SH3BGRL2: variants seen among roughly 807,000 people sequenced by gnomAD.
SH3BGRL2 encodes the protein SH3 domain binding glutamate rich protein like 2.
SH3BGRL2 carries 21 observed loss-of-function variants against 14.8 expected under a neutral mutation model. That is an observed-to-expected ratio of 1.42 (90% CI 1.01 to 2.05). The LOEUF is 2.05. SH3BGRL2 is among the 30% of genes most tolerant of loss of function. SH3BGRL2 has a pLI of 0.00. For synonymous variants in SH3BGRL2, 50 were observed against 47.8 expected, an observed-to-expected ratio of 1.05 and a Z score of -0.19; for missense variants, 147 against 130.8, an observed-to-expected ratio of 1.12 and a Z score of -0.61.
intron 1 of SH3BGRL2, among the ~76,000 whole-genome samples, chr6:79,660,150 G>C (rs1769513908): frequency 1.3e-5 from 2 of 152,074 alleles, no homozygotes; most frequent in South Asian, 4.2e-4. Flanking sequence ...TTGCCTGATT[G>C]TCCTGGCTAG....
chr6:79,566,308 A>G, the SH3BGRL2 span, among the ~76,000 whole-genome samples: 1 of 152,284 alleles, frequency 6.6e-6, no homozygotes, highest in East Asian at 1.9e-4. Context: ...ATTGAGCAGC[A>G]GTCCCTACTG....
At chr6:79,614,535 T>A in the SH3BGRL2 span, among the ~76,000 whole-genome samples, 1 of 152,144 alleles carries the variant, frequency 6.6e-6, no homozygotes, top group Non-Finnish European at 1.5e-5. Context: ...AGGGTGCTCC[T>A]AAGGAGGACA....
intron 1 of SH3BGRL2, among the ~76,000 whole-genome samples, chr6:79,662,818 C>T (rs1320040327): frequency 6.6e-6 from 1 of 152,116 alleles, no homozygotes; most frequent in African/African-American, 2.4e-5. Flanking sequence ...CACATAGTCC[C>T]ATATTTCTTG....
chr6:79,644,074 T>G (rs1769081927), intron 1 of SH3BGRL2, among the ~76,000 whole-genome samples: 2 of 152,194 alleles, frequency 1.3e-5, no homozygotes, highest in Admixed American at 1.3e-4. Flanking sequence ...TGGGGCCTTT[T>G]GGGCAACAGA....
At chr6:79,572,793 A>G in the SH3BGRL2 span, among the ~76,000 whole-genome samples, 3 of 152,188 alleles carry the variant, frequency 2.0e-5, no homozygotes, top group East Asian at 5.8e-4. Flanking sequence ...TTCTATTACT[A>G]GTGAGATTGA....
At chr6:79,593,565 G>T in the SH3BGRL2 span, among the ~76,000 whole-genome samples, 9 of 152,200 alleles carry the variant, frequency 5.9e-5, no homozygotes, top group Non-Finnish European at 1.2e-4. Context: ...GAATGGATGA[G>T]TAAGCAGTAA....
intron 2 of SH3BGRL2, among the ~76,000 whole-genome samples, chr6:79,675,739 TTAAA>T (rs1254536524): frequency 6.6e-6 from 1 of 152,202 alleles, no homozygotes; most frequent in African/African-American, 2.4e-5. Flanking sequence ...TGTGATTCTT[TTAAA>T]TAATGTTGTA....
intron 1 of SH3BGRL2, among the ~76,000 whole-genome samples, chr6:79,645,115 A>G (rs1435357511): frequency 6.9e-6 from 1 of 144,472 alleles, no homozygotes; most frequent in Non-Finnish European, 1.5e-5. Flanking sequence ...GTGAGCTGAG[A>G]TTGCACCACT....
At chr6:79,553,987 A>G in the SH3BGRL2 span, among the ~76,000 whole-genome samples, 5 of 151,622 alleles carry the variant, frequency 3.3e-5, no homozygotes, top group Admixed American at 2.6e-4. Context: ...AAAAGAAAAG[A>G]AAAGAGAAAG....
At chr6:79,680,604 T>A (rs1337510863) in intron 2 of SH3BGRL2, among the ~76,000 whole-genome samples, 1 of 152,186 alleles carries the variant, frequency 6.6e-6, no homozygotes, top group Non-Finnish European at 1.5e-5. Context: ...TTTTTCTATT[T>A]CTGCAAAAAC....
chr6:79,538,018 G>GTTTTTT, the SH3BGRL2 span, among the ~76,000 whole-genome samples: 144 of 44,160 alleles, frequency 3.3e-3, 36 homozygotes, highest in East Asian at 4.0e-3. Context: ...TTGCACACAA[G>GTTTTTT]TTTTTTTTTT....
intron 1 of SH3BGRL2, among the ~76,000 whole-genome samples, chr6:79,658,349 G>A (rs1769466652): frequency 6.6e-6 from 1 of 152,112 alleles, no homozygotes; most frequent in African/African-American, 2.4e-5. Context: ...GTGTCCAAGT[G>A]TTCTCGTTGT....
the SH3BGRL2 span, among the ~76,000 whole-genome samples, chr6:79,569,577 T>C: frequency 1.3e-5 from 2 of 152,142 alleles, no homozygotes; most frequent in Non-Finnish European, 2.9e-5. Flanking sequence ...TTAATGCTGG[T>C]CAATTGTGCC....
At chr6:79,655,481 C>T (rs994382903) in intron 1 of SH3BGRL2, among the ~76,000 whole-genome samples, 5 of 151,952 alleles carry the variant, frequency 3.3e-5, no homozygotes, top group African/African-American at 4.8e-5. Context: ...CTATACAATT[C>T]GGTGGCTTTC....
At chr6:79,548,856 A>G in the SH3BGRL2 span, among the ~76,000 whole-genome samples, 32 of 152,216 alleles carry the variant, frequency 2.1e-4, no homozygotes, top group African/African-American at 7.5e-4. Context: ...GGCAGGGCCT[A>G]TAGAAGACAG....
the SH3BGRL2 span, among the ~76,000 whole-genome samples, chr6:79,623,842 C>T: frequency 6.6e-6 from 1 of 152,204 alleles, no homozygotes. Flanking sequence ...ATAATTGCTA[C>T]ATAAATAATA....
the SH3BGRL2 span, among the ~76,000 whole-genome samples, chr6:79,558,509 A>G: frequency 2.6e-5 from 4 of 152,184 alleles, no homozygotes; most frequent in Admixed American, 2.6e-4. Flanking sequence ...GAATACACTA[A>G]CTATATATAG....
upstream of SH3BGRL2, among the ~76,000 whole-genome samples, chr6:79,627,927 G>GA (rs796384865): frequency 2.6e-5 from 4 of 151,608 alleles, no homozygotes; most frequent in Admixed American, 6.6e-5. Flanking sequence ...ACTTGAATGA[G>GA]AAAAAAAATC....
intron 1 of SH3BGRL2, among the ~76,000 whole-genome samples, chr6:79,663,038 G>T (rs1315401474): frequency 1.3e-5 from 2 of 152,096 alleles, no homozygotes; most frequent in Non-Finnish European, 2.9e-5. Context: ...ATTCTAGTTA[G>T]CCATTTGTCT....
Sources: gnomAD v4.1 joint callset for allele counts (sites outside exome capture counted in the v4.1 genomes callset) on GRCh38, gnomAD v4.1.1 for gene constraint, MANE v1.5 for transcripts, NCBI Gene and HGNC (gene_info 2026-07-23, HGNC 2026-07-21) for gene names.